Variants in CTNNA3 observed in about 807,000 individuals in gnomAD.
CTNNA3 encodes the protein catenin alpha-3.
A neutral mutation model predicts 95.7 loss-of-function variants in CTNNA3; 76 were observed. The observed-to-expected ratio is 0.79, with a 90% CI of 0.66 to 0.96. The LOEUF is 0.96. CTNNA3 is among the 40% of genes least tolerant of loss of function. CTNNA3 has a pLI of 0.00. For missense variants in CTNNA3, 1,191 were observed against 1,089.8 expected, an observed-to-expected ratio of 1.09 and a Z score of -1.31; for synonymous variants, 431 against 374.4, an observed-to-expected ratio of 1.15 and a Z score of -1.74.
At chr10:66,349,702 CAG>C (rs1202538945) in intron 12 of CTNNA3, among the ~76,000 whole-genome samples, 4 of 152,060 alleles carry the variant, frequency 2.6e-5, no homozygotes, top group Middle Eastern at 3.4e-3. Flanking sequence ...ATTCAAAATC[CAG>C]AGAGTATGAC....
chr10:66,178,788 T>C (rs1357525532), intron 13 of CTNNA3, among the ~76,000 whole-genome samples: 1 of 151,844 alleles, frequency 6.6e-6, no homozygotes, highest in Non-Finnish European at 1.5e-5. Flanking sequence ...ATATGAATAG[T>C]AAGCACACAA....
intron 3 of CTNNA3, among the ~76,000 whole-genome samples, chr10:67,566,959 G>A (rs1258305295): frequency 6.9e-6 from 1 of 144,678 alleles, no homozygotes; most frequent in Non-Finnish European, 1.5e-5. Context: ...CTCATAGGTG[G>A]GAACTGAACA....
At chr10:66,616,563 C>T (rs973377182) in intron 10 of CTNNA3, among the ~76,000 whole-genome samples, 1 of 152,030 alleles carries the variant, frequency 6.6e-6, no homozygotes, top group Non-Finnish European at 1.5e-5. Context: ...TCAAATATCT[C>T]TGCTAAATAT....
chr10:66,967,788 TTA>T (rs780243612), intron 7 of CTNNA3, among the ~76,000 whole-genome samples: 6 of 152,062 alleles, frequency 3.9e-5, no homozygotes, highest in Non-Finnish European at 8.8e-5. Context: ...TAAATTATCA[TTA>T]TATTTCACCA....
At position 67,495,865 on chromosome 10, in the gene CTNNA3, C is replaced by G. The variant is rs150061395; in HGVS notation, c.579+25977G>C. On this transcript the variant is annotated intron_variant, in intron 5 of 17. Coordinates refer to ENST00000433211, the MANE Select transcript of CTNNA3 (RefSeq NM_013266.4). Reference sequence around the variant, plus strand: ...TGATTATTGTAAGAATTAAGTAAATCAAAGACCTAACCTGTATAGTAGGCA... The same window carrying G: ...TGATTATTGTAAGAATTAAGTAAATGAAAGACCTAACCTGTATAGTAGGCA... Among the ~76,000 whole-genome samples the G allele has an allele frequency of 2.2e-3, 339 of 152,216 alleles. 2 individuals are homozygous for G. The highest frequency in any genetic ancestry group is 7.7e-3 in the African/African-American group (320 of 41,526).
intron 1 of CTNNA3, among the ~76,000 whole-genome samples, chr10:67,687,692 T>C (rs1291478368): frequency 1.3e-5 from 2 of 152,188 alleles, no homozygotes; most frequent in Non-Finnish European, 2.9e-5. Flanking sequence ...ACTTATCTTT[T>C]AGAATCAATT....
At position 67,177,277 on chromosome 10, in the gene CTNNA3, GTTTAAGGAACTGA is replaced by G. The variant is rs1862292428; in HGVS notation, c.1047+3027_1047+3039del. Among the ~76,000 whole-genome samples the G allele has an allele frequency of 4.6e-5, 7 of 152,148 alleles. No individual in the cohort carries two copies. The South Asian group carries it at 1.4e-3, about 31-fold the overall frequency. ...AAAAATGATCAAGACTTGCTGATCTGTTTAAGGAACTGAATTTATTTAGACTCAGAGGAGTCAT... is the reference window on the plus strand; with the variant it reads ...AAAAATGATCAAGACTTGCTGATCTGATTTATTTAGACTCAGAGGAGTCAT... On this transcript the variant is annotated intron_variant, in intron 7 of 17. Coordinates refer to ENST00000433211, the MANE Select transcript of CTNNA3 (RefSeq NM_013266.4).
At chr10:66,597,535 TA>T (rs1564557952) in intron 10 of CTNNA3, among the ~76,000 whole-genome samples, 2 of 136,958 alleles carry the variant, frequency 1.5e-5, no homozygotes, top group African/African-American at 5.3e-5. Context: ...TATATATATA[TA>T]TATATATATA....
chr10:67,333,285 C>T (rs1203069838), intron 5 of CTNNA3, among the ~76,000 whole-genome samples: 1 of 152,158 alleles, frequency 6.6e-6, no homozygotes, highest in Non-Finnish European at 1.5e-5. Flanking sequence ...CTAAAAACCT[C>T]CCAGTTGACC....
At chr10:66,534,231 C>T (rs2132057884) in intron 10 of CTNNA3, among the ~76,000 whole-genome samples, 1 of 151,920 alleles carries the variant, frequency 6.6e-6, no homozygotes, top group South Asian at 2.1e-4. Context: ...AGCTAGAGGT[C>T]AGAACAGGAA....
intron 7 of CTNNA3, among the ~76,000 whole-genome samples, chr10:66,957,407 T>G (rs77254143): frequency 3.4e-5 from 1 of 29,826 alleles, no homozygotes; most frequent in Admixed American, 2.7e-4. Context: ...TATATATATA[T>G]ATATATGCAT....
At chr10:67,080,720 T>C (rs1162957600) in intron 7 of CTNNA3, among the ~76,000 whole-genome samples, 1 of 151,752 alleles carries the variant, frequency 6.6e-6, no homozygotes, top group African/African-American at 2.4e-5. Context: ...CCATCCTGGC[T>C]AACACAGTGA....
intron 7 of CTNNA3, among the ~76,000 whole-genome samples, chr10:67,130,816 C>T (rs530067888): frequency 1.5e-4 from 23 of 152,150 alleles, no homozygotes; most frequent in African/African-American, 4.6e-4. Context: ...ATATCCAACA[C>T]AGCACTACAT....
At chr10:65,993,813 G>A (rs962142418) in intron 15 of CTNNA3, among the ~76,000 whole-genome samples, 1 of 152,106 alleles carries the variant, frequency 6.6e-6, no homozygotes, top group Non-Finnish European at 1.5e-5. Flanking sequence ...TCAGCTCACT[G>A]CAACCTCCAC....
chr10:66,994,146 A>T (rs1176322855), intron 7 of CTNNA3, among the ~76,000 whole-genome samples: 1 of 152,220 alleles, frequency 6.6e-6, no homozygotes. Context: ...CCATCACTAT[A>T]TTCTTATAGA....
Position 67,246,887 on chromosome 10 carries a change from G to A in CTNNA3, c.580-27017C>T, listed in dbSNP as rs10997592. 0.015 allele frequency among the ~76,000 whole-genome samples: 2,359 copies of A among 152,226 alleles called. 193 individuals carry two copies. The East Asian group carries it at 0.26, about 17-fold the overall frequency. On this transcript the variant is annotated intron_variant, in intron 5 of 17. Coordinates refer to ENST00000433211, the MANE Select transcript of CTNNA3 (RefSeq NM_013266.4). Reference sequence around the variant, plus strand: ...ACCTCAACAGTTGTCTAATTGTCCGGCTTATGTTCCTCAAGGTTCTCTAGC... The same window carrying A: ...ACCTCAACAGTTGTCTAATTGTCCGACTTATGTTCCTCAAGGTTCTCTAGC...
chr10:66,014,736 T>G (rs2079062278), intron 15 of CTNNA3, among the ~76,000 whole-genome samples: 1 of 152,180 alleles, frequency 6.6e-6, no homozygotes, highest in Admixed American at 6.6e-5. Context: ...TAACTTTAAT[T>G]AATTTGTACT....
intron 13 of CTNNA3, among the ~76,000 whole-genome samples, chr10:66,187,446 C>G (rs1415373447): frequency 6.7e-6 from 1 of 149,380 alleles, no homozygotes; most frequent in African/African-American, 2.5e-5. Context: ...TTGTGTATGC[C>G]CAAGAAAAAC....
intron 6 of CTNNA3, among the ~76,000 whole-genome samples, chr10:67,202,823 AT>A (rs1363424899): frequency 6.6e-6 from 1 of 152,130 alleles, no homozygotes; most frequent in East Asian, 1.9e-4. Context: ...TTATTATATT[AT>A]TATGATGGTA....
Sources: gnomAD v4.1 joint callset for allele counts (sites outside exome capture counted in the v4.1 genomes callset) on GRCh38, gnomAD v4.1.1 for gene constraint, MANE v1.5 for transcripts, NCBI Gene and HGNC (gene_info 2026-07-23, HGNC 2026-07-21) for gene names.